The following DAB1 variants were observed in gnomAD, a reference collection of about 807,000 sequenced individuals.
DAB1 encodes the protein DAB adaptor protein 1.
DAB1 carries 15 observed loss-of-function variants against 64.6 expected under a neutral mutation model. The ratio of observed to expected loss-of-function variants is 0.23; its 90% CI spans 0.16 to 0.36. The LOEUF (loss-of-function observed/expected upper bound fraction) is 0.36. Among genes scored for constraint, DAB1 ranks in the 10% least tolerant of loss-of-function variants. DAB1 has a pLI of 1.00. For synonymous variants in DAB1, 235 were observed against 251.9 expected, an observed-to-expected ratio of 0.93 and a Z score of 0.64; for missense variants, 596 against 706.7, an observed-to-expected ratio of 0.84 and a Z score of 1.78.
At chr1:58,527,235 G>A (rs1242147168) in intron 2 of DAB1, 1 of 869,828 alleles carries the variant, frequency 1.1e-6, no homozygotes, top group Admixed American at 1.7e-5. Flanking sequence ...AGGGCATTAT[G>A]TATTCTCAAC....
At chr1:57,357,741 T>C (rs1056396224) in intron 1 of DAB1, among the ~76,000 whole-genome samples, 5 of 151,792 alleles carry the variant, frequency 3.3e-5, no homozygotes, top group African/African-American at 9.7e-5. Context: ...AACACATCCT[T>C]CTCACGTGGC....
intron 1 of DAB1, among the ~76,000 whole-genome samples, chr1:57,305,963 C>T (rs570572481): frequency 5.0e-5 from 7 of 138,872 alleles, no homozygotes; most frequent in Non-Finnish European, 7.7e-5. Context: ...AGCAAGACTC[C>T]GTCTCAAAAA....
intron 1 of DAB1, among the ~76,000 whole-genome samples, chr1:57,830,934 G>A (rs921538879): frequency 3.3e-5 from 5 of 152,126 alleles, no homozygotes; most frequent in Non-Finnish European, 7.4e-5. Flanking sequence ...TTATTTTTGA[G>A]ATGGAGTCTC....
At chr1:58,315,848 T>G (rs536664803) in intron 4 of DAB1, among the ~76,000 whole-genome samples, 3 of 152,340 alleles carry the variant, frequency 2.0e-5, no homozygotes, top group Non-Finnish European at 4.4e-5. Flanking sequence ...ATGCTAAGAT[T>G]CTGACTTTTT....
intron 3 of DAB1, among the ~76,000 whole-genome samples, chr1:58,431,218 T>A (rs191362671): frequency 6.6e-6 from 1 of 151,600 alleles, no homozygotes; most frequent in East Asian, 1.9e-4. Context: ...AAAAAAGAAA[T>A]CCAAGAGCTA....
At chr1:57,012,728 T>C (rs1329356208) in intron 12 of DAB1, among the ~76,000 whole-genome samples, 2 of 152,234 alleles carry the variant, frequency 1.3e-5, no homozygotes, top group African/African-American at 4.8e-5. Context: ...TAAAGCTATA[T>C]GCAAACACCC....
At chr1:57,029,663 G>T (rs999825648) in intron 9 of DAB1, among the ~76,000 whole-genome samples, 1 of 152,224 alleles carries the variant, frequency 6.6e-6, no homozygotes, top group African/African-American at 2.4e-5. Flanking sequence ...TGACCTGGAT[G>T]TGAGACCTGG....
intron 7 of DAB1, among the ~76,000 whole-genome samples, chr1:57,468,952 G>A (rs563710435): frequency 3.5e-4 from 53 of 152,236 alleles, no homozygotes; most frequent in African/African-American, 1.2e-3. Flanking sequence ...GCTCCTGCAG[G>A]GGGTAAAAAC....
At chr1:57,645,708 A>G (rs1160737787) in intron 7 of DAB1, among the ~76,000 whole-genome samples, 1 of 152,200 alleles carries the variant, frequency 6.6e-6, no homozygotes, top group African/African-American at 2.4e-5. Flanking sequence ...CTGATGTGAA[A>G]CTGAAGCTTA....
At chr1:58,309,475 G>A (rs1285110064) in intron 4 of DAB1, among the ~76,000 whole-genome samples, 1 of 152,154 alleles carries the variant, frequency 6.6e-6, no homozygotes, top group Non-Finnish European at 1.5e-5. Flanking sequence ...TAGGGAATAA[G>A]CCTCACTTTG....
chr1:58,386,985 G>T (rs1302901522), intron 3 of DAB1, among the ~76,000 whole-genome samples: 1 of 152,146 alleles, frequency 6.6e-6, no homozygotes, highest in Non-Finnish European at 1.5e-5. Flanking sequence ...GCTTGAATCC[G>T]GGAGGCAGAA....
intron 5 of DAB1, 85 bp downstream of exon 5, chr1:57,072,198 G>A (rs1651544542): frequency 2.1e-6 from 3 of 1,434,768 alleles, no homozygotes; most frequent in Admixed American, 1.8e-5. Flanking sequence ...ATATCTGAGA[G>A]TGGGCCCTCA....
chr1:57,269,580 C>G (rs1341296159), intron 2 of DAB1, among the ~76,000 whole-genome samples: 1 of 152,128 alleles, frequency 6.6e-6, no homozygotes, highest in East Asian at 1.9e-4. Context: ...CTTACCTGAA[C>G]CCATGCACAG....
At chr1:58,258,608 A>G (rs1238889954) in intron 4 of DAB1, among the ~76,000 whole-genome samples, 1 of 152,140 alleles carries the variant, frequency 6.6e-6, no homozygotes, top group East Asian at 1.9e-4. Flanking sequence ...TCTCTGCAAA[A>G]CTGGACACAG....
intron 6 of DAB1, among the ~76,000 whole-genome samples, chr1:57,815,774 G>A (rs1331700858): frequency 3.3e-5 from 5 of 151,908 alleles, no homozygotes; most frequent in East Asian, 1.9e-4. Context: ...CCCCCGAAAC[G>A]TCTGAATTTG....
chr1:58,140,589 AT>A (rs1331609269), intron 5 of DAB1, among the ~76,000 whole-genome samples: 1 of 151,922 alleles, frequency 6.6e-6, no homozygotes, highest in Non-Finnish European at 1.5e-5. Flanking sequence ...AAAAAAAAAA[AT>A]CTCTAATTAT....
intron 2 of DAB1, among the ~76,000 whole-genome samples, chr1:57,273,746 C>T (rs1172604453): frequency 6.6e-6 from 1 of 151,478 alleles, no homozygotes; most frequent in African/African-American, 2.4e-5. Context: ...ATGAGAATGT[C>T]TTTTCCTCCC....
At chr1:57,718,205 G>C (rs1250479620) in intron 6 of DAB1, among the ~76,000 whole-genome samples, 2 of 152,138 alleles carry the variant, frequency 1.3e-5, no homozygotes, top group African/African-American at 4.8e-5. Context: ...GATTGATACA[G>C]TAATTACCCT....
At chr1:58,061,399 G>A (rs190121282) in intron 5 of DAB1, among the ~76,000 whole-genome samples, 9 of 152,290 alleles carry the variant, frequency 5.9e-5, no homozygotes, top group Admixed American at 1.3e-4. Flanking sequence ...AGATGAATCC[G>A]TTCCAGGCTT....
Sources: allele counts gnomAD v4.1 joint callset (sites outside exome capture counted in the v4.1 genomes callset), GRCh38; gene constraint gnomAD v4.1.1; transcripts MANE v1.5; gene names NCBI Gene and HGNC (gene_info 2026-07-23, HGNC 2026-07-21).